Variants in HTRA3 observed in about 807,000 individuals in gnomAD.
The protein encoded by HTRA3 is HtrA serine peptidase 3.
A neutral mutation model predicts 43.2 loss-of-function variants in HTRA3; 41 were observed. The ratio of observed to expected loss-of-function variants is 0.95; its 90% CI spans 0.74 to 1.23. The LOEUF is 1.23. HTRA3 is among the 50% of genes most tolerant of loss of function. The pLI is 0.00. For missense variants in HTRA3, 628 were observed against 647.1 expected, an observed-to-expected ratio of 0.97 and a Z score of 0.32; for synonymous variants, 295 against 287.9, an observed-to-expected ratio of 1.02 and a Z score of -0.25.
chr4:8,301,672 T>C (rs372034599), intron 6 of HTRA3, among the ~76,000 whole-genome samples: 1 of 152,350 alleles, frequency 6.6e-6, no homozygotes, highest in East Asian at 1.9e-4. Flanking sequence ...GACACTTTAG[T>C]ACTATTAATT....
At chr4:8,275,536 G>C (rs1483152802) in intron 1 of HTRA3, among the ~76,000 whole-genome samples, 2 of 152,234 alleles carry the variant, frequency 1.3e-5, no homozygotes, top group Admixed American at 6.5e-5. Context: ...CTTCAGAGTG[G>C]AGAGAGGGCT....
At chr4:8,285,566 A>T (rs771927775) in intron 2 of HTRA3, among the ~76,000 whole-genome samples, 40 of 152,194 alleles carry the variant, frequency 2.6e-4, no homozygotes, top group Non-Finnish European at 5.3e-4. Flanking sequence ...TCAGGGAGTG[A>T]GTACCTGCTC....
At chr4:8,293,978 T>A in intron 5 of HTRA3, 109 bp from the exon 6 acceptor site, 1 of 692,986 alleles carries the variant, frequency 1.4e-6, no homozygotes, top group Non-Finnish European at 2.5e-6. Context: ...TGTAGGGGGA[T>A]TGACAGCTGG....
At chr4:8,285,636 T>C (rs1433955026) in intron 2 of HTRA3, among the ~76,000 whole-genome samples, 1 of 152,224 alleles carries the variant, frequency 6.6e-6, no homozygotes, top group Non-Finnish European at 1.5e-5. Context: ...TCCCAGGCTG[T>C]GTCTGGCATT....
chr4:8,304,152 G>A (rs780991359), intron 7 of HTRA3, 32 bp from the exon 8 acceptor site: 2 of 1,585,252 alleles, frequency 1.3e-6, no homozygotes, highest in Non-Finnish European at 1.7e-6. Flanking sequence ...CAAAGGCTCA[G>A]GGGAGGGGCC....
chr4:8,290,513 C>G (rs114581328), intron 3 of HTRA3, among the ~76,000 whole-genome samples: 1 of 152,236 alleles, frequency 6.6e-6, no homozygotes, highest in African/African-American at 2.4e-5. Flanking sequence ...TCCCAGGAGA[C>G]TTTCCGCCAG....
At position 8,269,891 on chromosome 4, in the gene HTRA3, G is replaced by C; in HGVS notation, c.-78G>C. 1 of 710,820 alleles carries C rather than the reference G, an allele frequency of 1.4e-6. No individual in the cohort carries two copies. The highest frequency in any genetic ancestry group is 1.7e-6 in the Non-Finnish European group (1 of 575,988). The allele number at this position is 710,820 out of a possible 1,614,324, so 44.0% of individuals were successfully genotyped here. ...TCCCATCCGTAGGCGCCCGGCGCCC[G>C]GCCCCGCAGCGGCCTCGTTGTCCCC... On this transcript the variant is annotated 5_prime_UTR_variant, in exon 1 of 9. Transcript: ENST00000307358.
rs1392180569 is a variant in HTRA3, at chr4:8,292,891, GT to G, written c.936+539del. Among the ~76,000 whole-genome samples, 3 of 152,224 alleles carry G rather than the reference GT, an allele frequency of 2.0e-5. No individual in the cohort carries two copies. The East Asian group carries it at 5.8e-4, about 29-fold the overall frequency. On this transcript the variant is annotated intron_variant, in intron 5 of 8. Coordinates refer to ENST00000307358, the MANE Select transcript of HTRA3 (RefSeq NM_053044.5). ...AGATGTGAACAAGCCCAAGCACCAT[GT>G]GAGCCACATGAGATAGCTCTGGAGG...
At chr4:8,282,820 C>A (rs372631481) in intron 2 of HTRA3, among the ~76,000 whole-genome samples, 1 of 152,252 alleles carries the variant, frequency 6.6e-6, no homozygotes, top group Non-Finnish European at 1.5e-5. Flanking sequence ...TGGATACATG[C>A]AATGTGTTGG....
At chr4:8,273,366 C>A (rs148985596) in intron 1 of HTRA3, among the ~76,000 whole-genome samples, 1 of 152,174 alleles carries the variant, frequency 6.6e-6, no homozygotes, top group South Asian at 2.1e-4. Flanking sequence ...GTGTGCCAGG[C>A]GCTGCCGGGC....
At chr4:8,305,829 G>A in intron 8 of HTRA3, 142 bp from the exon 9 acceptor site, 1 of 843,610 alleles carries the variant, frequency 1.2e-6, no homozygotes, top group Non-Finnish European at 1.9e-6. Context: ...GAGCTTTGGG[G>A]CTGGGGCACT....
At chr4:8,304,649 T>G (rs913902403) in intron 8 of HTRA3, among the ~76,000 whole-genome samples, 1 of 119,056 alleles carries the variant, frequency 8.4e-6, no homozygotes, top group South Asian at 2.8e-4. Context: ...TATTGTTTTT[T>G]TTTTTTTTTT....
At chr4:8,294,737 T>C (rs66882540) in intron 6 of HTRA3, among the ~76,000 whole-genome samples, 35 of 318 alleles carry the variant, frequency 0.11, no homozygotes, top group Non-Finnish European at 0.15. Flanking sequence ...TACCCATCCA[T>C]CCACCCACCC....
intron 1 of HTRA3, among the ~76,000 whole-genome samples, chr4:8,275,687 G>A (rs1301940391): frequency 6.6e-6 from 1 of 152,248 alleles, no homozygotes; most frequent in Non-Finnish European, 1.5e-5. Flanking sequence ...CTTGCTTTGA[G>A]GGAGGGAGGC....
At chr4:8,277,824 A>G (rs535315617) in intron 1 of HTRA3, among the ~76,000 whole-genome samples, 1 of 152,248 alleles carries the variant, frequency 6.6e-6, no homozygotes, top group Non-Finnish European at 1.5e-5. Context: ...ATGGCTATCC[A>G]CTCATGGCTC....
chr4:8,294,633 C>T (rs1348730237), intron 6 of HTRA3, among the ~76,000 whole-genome samples: 23 of 11,130 alleles, frequency 2.1e-3, no homozygotes, highest in African/African-American at 6.7e-3. Flanking sequence ...TCCATCCATC[C>T]ATCCATCCAT....
rs551608876 is a variant in HTRA3, at chr4:8,279,836, CCT to C, written c.386-2596_386-2595del. Among the ~76,000 whole-genome samples the C allele has an allele frequency of 1.9e-3, 290 of 152,312 alleles. No homozygotes were observed. Among genetic ancestry groups the C allele is most frequent in the African/African-American group, 6.8e-3 (282 of 41,560 alleles). ...GCACTCACCCACCCCACGCCGGGCT[CCT>C]CTCTGCCTCATCCCTGGTGATGCTG... On this transcript the variant is annotated intron_variant, in intron 1 of 8. Coordinates refer to ENST00000307358, the MANE Select transcript of HTRA3 (RefSeq NM_053044.5). This position sits in a 1 kb window ranked among gnomAD's most constrained non-coding sequence, Gnocchi z 7.4.
rs770662994 is a variant in HTRA3 at position 8,270,061 on chromosome 4, G to C, written c.93G>C (p.Val31=). ...PAAPCPARCD[V]SRCPSPRCPG... ...CGCCGTGTCCCGCGCGCTGCGACGT[G>C]TCGCGGTGTCCCAGCCCCCGCTGCC... is the stretch of plus-strand genomic sequence containing the variant. Residue 31 remains valine, a synonymous_variant, in exon 1 of 9, where the codon GTG becomes GTC. Coordinates refer to ENST00000307358, the MANE Select transcript of HTRA3 (RefSeq NM_053044.5). The C allele has an allele frequency of 4.0e-6, 6 of 1,490,656 alleles. No homozygotes were observed. The South Asian group carries it at 7.6e-5, about 19-fold the overall frequency. The allele number at this position is 1,490,656 out of a possible 1,614,324, so 92.3% of individuals were successfully genotyped here. A position where few individuals can be genotyped will look rare whatever the true frequency, so the allele number is the denominator to read the frequency against.
rs1712638868 is a variant in HTRA3, at chr4:8,279,011, CT to C, written c.386-3425del. Among the ~76,000 whole-genome samples the C allele has an allele frequency of 6.6e-6, 1 of 152,184 alleles. No individual in the cohort carries two copies. Among genetic ancestry groups the C allele is most frequent in the Admixed American group, 6.5e-5 (1 of 15,286 alleles). On this transcript the variant is annotated intron_variant, in intron 1 of 8. Transcript: ENST00000307358. The surrounding 1 kb of genome is among the most constrained non-coding windows in gnomAD (Gnocchi z 7.4). ...CCTCCTCTCTCCGCCCCTCCTCCCC[CT>C]CCATCCCTTCCCTCTGAAATGTCTC...
Sources: allele counts gnomAD v4.1 joint callset (sites outside exome capture counted in the v4.1 genomes callset), GRCh38; gene constraint gnomAD v4.1.1; non-coding constraint Gnocchi (gnomAD v3.1); transcripts MANE v1.5; gene names NCBI Gene and HGNC (gene_info 2026-07-23, HGNC 2026-07-21).